The following HTR7 variants were observed in gnomAD, a reference collection of about 807,000 sequenced individuals.
HTR7 encodes 5-hydroxytryptamine receptor 7.
Under a neutral mutation model 34.0 loss-of-function variants are expected in HTR7, and 16 were observed. The ratio of observed to expected loss-of-function variants is 0.47; its 90% CI spans 0.32 to 0.71. HTR7 has a LOEUF of 0.71. HTR7 is among the 30% of genes least tolerant of loss of function. The probability of loss-of-function intolerance (pLI) is 0.04; values close to 1 mark genes in which losing one functional copy is unlikely to be tolerated. For missense variants in HTR7, 504 were observed against 625.5 expected, an observed-to-expected ratio of 0.81 and a Z score of 2.07; for synonymous variants, 265 against 260.2, an observed-to-expected ratio of 1.02 and a Z score of -0.18.
chr10:90,752,795 T>A (rs1844761860), intron 1 of HTR7, among the ~76,000 whole-genome samples: 2 of 152,124 alleles, frequency 1.3e-5, no homozygotes, highest in East Asian at 3.8e-4. Context: ...GGCCAGCAAT[T>A]GAGGTAAAAG....
intron 1 of HTR7, among the ~76,000 whole-genome samples, chr10:90,791,701 CCCT>C (rs1198266871): frequency 6.6e-6 from 1 of 152,068 alleles, no homozygotes; most frequent in African/African-American, 2.4e-5. Flanking sequence ...TGTTTATGAT[CCCT>C]CCAAGTGTTT....
At chr10:90,810,110 C>A (rs1178260807) in intron 1 of HTR7, among the ~76,000 whole-genome samples, 1 of 152,300 alleles carries the variant, frequency 6.6e-6, no homozygotes, top group East Asian at 1.9e-4. Context: ...AACTCCCCAA[C>A]TCTGGTGCCA....
At chr10:90,762,046 G>A (rs995091478) in intron 1 of HTR7, among the ~76,000 whole-genome samples, 1 of 152,138 alleles carries the variant, frequency 6.6e-6, no homozygotes, top group South Asian at 2.1e-4. Context: ...CAGACACTTA[G>A]ATTGCTTCCA....
intron 1 of HTR7, among the ~76,000 whole-genome samples, chr10:90,852,586 A>C (rs562938128): frequency 6.6e-6 from 1 of 152,216 alleles, no homozygotes; most frequent in Non-Finnish European, 1.5e-5. Context: ...CAGAAACTAG[A>C]AAAAAACTCA....
chr10:90,784,419 T>C (rs1038581887), intron 1 of HTR7, among the ~76,000 whole-genome samples: 1 of 152,184 alleles, frequency 6.6e-6, no homozygotes, highest in Non-Finnish European at 1.5e-5. Flanking sequence ...ATCTGCACAA[T>C]GGAAATATAA....
At chr10:90,773,499 G>T (rs1845152586) in intron 1 of HTR7, among the ~76,000 whole-genome samples, 1 of 152,042 alleles carries the variant, frequency 6.6e-6, no homozygotes, top group Non-Finnish European at 1.5e-5. Flanking sequence ...ATTTTTAAAT[G>T]TACAATTAAG....
intron 1 of HTR7, among the ~76,000 whole-genome samples, chr10:90,793,370 T>G (rs1273238494): frequency 6.6e-6 from 1 of 151,524 alleles, no homozygotes; most frequent in Admixed American, 6.6e-5. Flanking sequence ...AAAGGAATCA[T>G]TAATAACCAT....
chr10:90,815,085 T>G (rs76232978), intron 1 of HTR7, among the ~76,000 whole-genome samples: 34 of 74,464 alleles, frequency 4.6e-4, no homozygotes, highest in Admixed American at 2.5e-3. Context: ...TTTTTTTTTG[T>G]TTTTTTTTTT....
chr10:90,813,179 C>A (rs971282741), intron 1 of HTR7, among the ~76,000 whole-genome samples: 1 of 152,178 alleles, frequency 6.6e-6, no homozygotes, highest in Non-Finnish European at 1.5e-5. Flanking sequence ...TCAGACTTAG[C>A]CCGCCTGCAC....
At chr10:90,792,155 T>A (rs932247978) in intron 1 of HTR7, among the ~76,000 whole-genome samples, 3 of 152,150 alleles carry the variant, frequency 2.0e-5, no homozygotes, top group Non-Finnish European at 4.4e-5. Context: ...AAAAACATAA[T>A]TATGAATCCA....
chr10:90,826,197 A>T (rs2120030594), intron 1 of HTR7, among the ~76,000 whole-genome samples: 1 of 152,270 alleles, frequency 6.6e-6, no homozygotes, highest in South Asian at 2.1e-4. Context: ...AGTGGCATAC[A>T]TATTTAAAAT....
At chr10:90,750,285 G>C (rs1219932833) in intron 1 of HTR7, among the ~76,000 whole-genome samples, 1 of 152,082 alleles carries the variant, frequency 6.6e-6, no homozygotes, top group Non-Finnish European at 1.5e-5. Context: ...CCAGTTCTTA[G>C]GAGAATCACA....
At chr10:90,836,426 A>G (rs1163486286) in intron 1 of HTR7, among the ~76,000 whole-genome samples, 2 of 152,244 alleles carry the variant, frequency 1.3e-5, no homozygotes, top group Admixed American at 6.5e-5. Context: ...TATTACCAAT[A>G]GTATTAATAA....
chr10:90,831,642 T>C (rs1349261000), intron 1 of HTR7, among the ~76,000 whole-genome samples: 1 of 152,220 alleles, frequency 6.6e-6, no homozygotes, highest in African/African-American at 2.4e-5. Context: ...ACCTGCGGAT[T>C]GGTCCATTTT....
chr10:90,761,348 T>C (rs1467496234), intron 1 of HTR7, among the ~76,000 whole-genome samples: 1 of 152,232 alleles, frequency 6.6e-6, no homozygotes, highest in Non-Finnish European at 1.5e-5. Flanking sequence ...TTGGACTGTT[T>C]CTACCTTATC....
intron 1 of HTR7, among the ~76,000 whole-genome samples, chr10:90,816,450 A>G (rs1156987150): frequency 2.0e-5 from 3 of 152,176 alleles, no homozygotes; most frequent in African/African-American, 7.2e-5. Context: ...CACAATTATT[A>G]TTGGATTCCA....
intron 1 of HTR7, among the ~76,000 whole-genome samples, chr10:90,751,965 T>C (rs151120821): frequency 6.6e-6 from 1 of 152,340 alleles, no homozygotes. Context: ...AAATGGTATG[T>C]TTATTCATTC....
At chr10:90,831,728 A>G (rs1164117622) in intron 1 of HTR7, among the ~76,000 whole-genome samples, 2 of 152,072 alleles carry the variant, frequency 1.3e-5, no homozygotes, top group African/African-American at 2.4e-5. Context: ...TGCGTTTACA[A>G]TCCCTGAGCT....
At chr10:90,821,062 A>G (rs1845970810) in intron 1 of HTR7, among the ~76,000 whole-genome samples, 1 of 152,036 alleles carries the variant, frequency 6.6e-6, no homozygotes, top group Admixed American at 6.6e-5. Flanking sequence ...ACAAGCTTCC[A>G]CCAATCATCC....
Sources: allele counts gnomAD v4.1 joint callset (sites outside exome capture counted in the v4.1 genomes callset), GRCh38; gene constraint gnomAD v4.1.1; transcripts MANE v1.5; gene names NCBI Gene and HGNC (gene_info 2026-07-23, HGNC 2026-07-21).